The following ADGRV1 variants were observed in gnomAD, a reference collection of about 807,000 sequenced individuals.
ADGRV1 encodes the protein adhesion G protein-coupled receptor V1, also known as G-protein coupled receptor 98.
In ADGRV1, 359 loss-of-function variants were observed where a neutral mutation model predicts 596.2. The observed-to-expected ratio is 0.60, with a 90% CI of 0.55 to 0.66. The LOEUF (loss-of-function observed/expected upper bound fraction) is 0.66. ADGRV1 is among the 30% of genes least tolerant of loss of function. ADGRV1 has a pLI of 0.00. For missense variants in ADGRV1, 7,274 were observed against 7,575.6 expected (o/e 0.96, Z 1.48); for synonymous variants, 2,681 against 2,679.2 (o/e 1.00, Z -0.02).
intron 59 of ADGRV1, among the ~76,000 whole-genome samples, chr5:90,766,789 A>G (rs898857420): frequency 2.6e-5 from 4 of 152,192 alleles, no homozygotes; most frequent in Non-Finnish European, 4.4e-5. Flanking sequence ...TGTCTTCATC[A>G]GCATGAGCCT....
chr5:90,750,571 G>A lies in ADGRV1; in HGVS notation c.10995G>A (p.Val3665=). 6.2e-7 allele frequency: 1 copy of A among 1,608,622 alleles called. No individual in the cohort carries two copies. Residue 3665 remains valine, a synonymous_variant, in exon 53 of 90, where the codon GTG becomes GTA. Transcript: ENST00000405460. ...TTCAGAATTCATTATATAAGCAAGTGGAAGAAATGGAGCAAGATAGCCTAG... is the reference window on the plus strand; with the variant it reads ...TTCAGAATTCATTATATAAGCAAGTAGAAGAAATGGAGCAAGATAGCCTAG... ...AFAQNSLYKQ[V]EEMEQDSLVT... is the part of the protein sequence containing the mutation.
intron 1 of ADGRV1, among the ~76,000 whole-genome samples, chr5:90,611,852 G>A (rs1762764596): frequency 6.6e-6 from 1 of 151,918 alleles, no homozygotes; most frequent in South Asian, 2.1e-4. Flanking sequence ...AGAGGAAAGT[G>A]TACCTAGCTA....
chr5:90,595,381 T>TG (rs1481690916), intron 1 of ADGRV1, among the ~76,000 whole-genome samples: 42 of 6,968 alleles, frequency 6.0e-3, no homozygotes, highest in Admixed American at 9.1e-3. Context: ...GCTGGCCGGG[T>TG]GGGGGGCTGA....
chr5:90,715,560 A>G (rs796367355), intron 42 of ADGRV1, among the ~76,000 whole-genome samples: 66 of 152,292 alleles, frequency 4.3e-4, no homozygotes, highest in African/African-American at 1.5e-3. Context: ...ACAGTTATAC[A>G]TTAAAATTTT....
chr5:91,029,776 G>C (rs889851935), intron 85 of ADGRV1, among the ~76,000 whole-genome samples: 6 of 151,542 alleles, frequency 4.0e-5, no homozygotes, highest in Non-Finnish European at 5.9e-5. Flanking sequence ...AGTTTTCCTT[G>C]TCTTTTAAAT....
At chr5:90,719,274 G>A (rs1242609214) in intron 43 of ADGRV1, among the ~76,000 whole-genome samples, 1 of 152,006 alleles carries the variant, frequency 6.6e-6, no homozygotes, top group Non-Finnish European at 1.5e-5. Context: ...GCAGTGAACA[G>A]AGTGCCACTG....
At chr5:90,573,575 A>G (rs189194273) in intron 1 of ADGRV1, among the ~76,000 whole-genome samples, 1 of 152,306 alleles carries the variant, frequency 6.6e-6, no homozygotes, top group Non-Finnish European at 1.5e-5. Context: ...TAAAAATACA[A>G]TATTATAACC....
At chr5:91,021,125 A>G (rs1361627116) in intron 85 of ADGRV1, among the ~76,000 whole-genome samples, 1 of 152,122 alleles carries the variant, frequency 6.6e-6, no homozygotes, top group Non-Finnish European at 1.5e-5. Context: ...TCCTAAGAGC[A>G]GTTATTTAAA....
intron 85 of ADGRV1, among the ~76,000 whole-genome samples, chr5:91,013,178 C>T (rs1459549544): frequency 6.6e-6 from 1 of 152,030 alleles, no homozygotes; most frequent in Non-Finnish European, 1.5e-5. Context: ...AACAGTGCTG[C>T]AATGAACATT....
chr5:90,615,679 A>C (rs938785986), intron 2 of ADGRV1, among the ~76,000 whole-genome samples: 2 of 151,960 alleles, frequency 1.3e-5, no homozygotes, highest in Non-Finnish European at 2.9e-5. Context: ...ACATTGTGAA[A>C]TATTATAAAA....
intron 1 of ADGRV1, among the ~76,000 whole-genome samples, chr5:90,594,345 C>T (rs988457788): frequency 3.9e-5 from 6 of 152,136 alleles, no homozygotes; most frequent in Non-Finnish European, 8.8e-5. Context: ...CTTCCCCCTT[C>T]GCTCAGCACT....
chr5:90,841,469 A>G (rs1297097304), intron 78 of ADGRV1, among the ~76,000 whole-genome samples: 1 of 152,190 alleles, frequency 6.6e-6, no homozygotes, highest in Non-Finnish European at 1.5e-5. Context: ...AGAAAAGAAA[A>G]ATTAAGAAAT....
rs1270793035 is a variant in ADGRV1, at chr5:90,627,311, A to G, written c.773A>G (p.Lys258Arg). 6.2e-7 allele frequency: 1 copy of G among 1,612,448 alleles called. No homozygotes were observed. Among genetic ancestry groups the G allele is most frequent in the East Asian group, 2.2e-5 (1 of 44,856 alleles). The change falls in exon 7 of 90, where the codon AAA (lysine) becomes AGA (arginine). Residue 258 changes from lysine (K) to arginine (R), a missense_variant. Lys to Arg is a conservative substitution (Grantham distance 26). Coordinates refer to ENST00000405460, the MANE Select transcript of ADGRV1 (RefSeq NM_032119.4). ...SRNSIEIIIK[K>R]NDSPVRFLQS... Reference sequence around the variant, plus strand: ...AATTCCATTGAGATCATCATTAAGAAAAATGATAGTCCCGTGAGATTCCTT... The same window carrying G: ...AATTCCATTGAGATCATCATTAAGAGAAATGATAGTCCCGTGAGATTCCTT...
rs1582191454 is a variant in ADGRV1 at position 91,142,333 on chromosome 5, C to T, written c.18433-7697C>T. On this transcript the variant is annotated intron_variant, in intron 87 of 89. Coordinates refer to ENST00000405460, the MANE Select transcript of ADGRV1 (RefSeq NM_032119.4). ...TGGTCTCTTACTTTCTAGGAGGTTA[C>T]AGCTTAAAGGAAGGTCTTCCTTTTT... Among the ~76,000 whole-genome samples, 3 of 152,150 alleles carry T rather than the reference C, an allele frequency of 2.0e-5. No individual in the cohort carries two copies. In the East Asian group the frequency reaches 5.8e-4, roughly 29 times the overall value.
At chr5:90,865,841 C>G (rs1768040436) in intron 83 of ADGRV1, among the ~76,000 whole-genome samples, 1 of 152,092 alleles carries the variant, frequency 6.6e-6, no homozygotes, top group Non-Finnish European at 1.5e-5. Context: ...CCCACCCTAT[C>G]TAAATTTTAA....
chr5:90,759,834 A>G (rs959766332), intron 58 of ADGRV1: 3 of 420,204 alleles, frequency 7.1e-6, no homozygotes, highest in Non-Finnish European at 1.3e-5. Context: ...GCGTGGTGGC[A>G]CATGCCTGTA....
At chr5:90,598,349 T>G (rs1017615360) in intron 1 of ADGRV1, among the ~76,000 whole-genome samples, 18 of 152,240 alleles carry the variant, frequency 1.2e-4, no homozygotes, top group African/African-American at 4.3e-4. Flanking sequence ...TTCAAACTTG[T>G]GTCCATGAAC....
chr5:90,952,779 G>A (rs1426781940), intron 83 of ADGRV1, among the ~76,000 whole-genome samples: 1 of 151,792 alleles, frequency 6.6e-6, no homozygotes, highest in Non-Finnish European at 1.5e-5. Context: ...ATCTTGACTT[G>A]TCTCTCTTGA....
At position 90,853,391 on chromosome 5, in the gene ADGRV1, T is replaced by G; in HGVS notation, c.17312T>G (p.Ile5771Ser). 1 of 1,613,546 alleles carries G rather than the reference T, an allele frequency of 6.2e-7. No homozygotes were observed. The highest frequency in any genetic ancestry group is 8.5e-7 in the Non-Finnish European group (1 of 1,179,562). ...HKFEGKEGDY[I>S]RIPERLLDVQ... Reference sequence around the variant, plus strand: ...TTTGAAGGAAAGGAAGGAGATTACATTCGAATTCCAGAGAGGCTACTGGAT... The same window carrying G: ...TTTGAAGGAAAGGAAGGAGATTACAGTCGAATTCCAGAGAGGCTACTGGAT... The change falls in exon 80 of 90, where the codon ATT becomes AGT. Residue 5771 changes from isoleucine (I) to serine (S), a missense_variant. By Grantham distance (142) the Ile-to-Ser change is moderately radical. Transcript: ENST00000405460.
Sources: allele counts gnomAD v4.1 joint callset (sites outside exome capture counted in the v4.1 genomes callset), GRCh38; gene constraint gnomAD v4.1.1; transcripts MANE v1.5; gene names NCBI Gene and HGNC (gene_info 2026-07-23, HGNC 2026-07-21).